Variants in KHDRBS2 observed in about 807,000 individuals in gnomAD.
KHDRBS2 encodes the protein KH domain-containing, RNA-binding, signal transduction-associated protein 2.
Under a neutral mutation model 44.3 loss-of-function variants are expected in KHDRBS2, and 26 were observed. The observed-to-expected ratio is 0.59, with a 90% CI of 0.43 to 0.81. The LOEUF is 0.81. Among genes scored for constraint, KHDRBS2 ranks in the 40% least tolerant of loss-of-function variants. KHDRBS2 has a pLI of 0.00. For missense variants in KHDRBS2, 476 were observed against 433.1 expected (o/e 1.10, Z -0.88); for synonymous variants, 194 against 151.1 (o/e 1.28, Z -2.08).
At chr6:61,850,069 G>A (rs1795209535) in intron 6 of KHDRBS2, among the ~76,000 whole-genome samples, 2 of 151,994 alleles carry the variant, frequency 1.3e-5, no homozygotes, top group South Asian at 4.1e-4. Context: ...TCAAAGATGT[G>A]GGTTAACTCT....
chr6:62,256,891 G>T (rs898121219), intron 1 of KHDRBS2, among the ~76,000 whole-genome samples: 1 of 152,022 alleles, frequency 6.6e-6, no homozygotes, highest in Non-Finnish European at 1.5e-5. Context: ...CCCATATAGG[G>T]TTAAACCAGT....
intron 2 of KHDRBS2, among the ~76,000 whole-genome samples, chr6:62,111,052 G>A (rs1236277868): frequency 1.3e-5 from 2 of 151,940 alleles, no homozygotes; most frequent in Non-Finnish European, 2.9e-5. Context: ...AGGATCTAGG[G>A]AAACTGCTTA....
intron 1 of KHDRBS2, among the ~76,000 whole-genome samples, chr6:62,208,836 C>T (rs519079): frequency 0.19 from 28,206 of 152,054 alleles, 3,049 homozygotes; most frequent in African/African-American, 0.31. Context: ...TGATTAGTGA[C>T]GTTGAGAACC....
rs146142594 is a variant in KHDRBS2, at chr6:61,965,055, G to C, written c.483+13011C>G. ...TTGCACTTGGGTGAATGTAAACGAAGTTCTGTTGCTTTTTGGAAAAGAGGA... is the reference window on the plus strand; with the variant it reads ...TTGCACTTGGGTGAATGTAAACGAACTTCTGTTGCTTTTTGGAAAAGAGGA... On this transcript the variant is annotated intron_variant, in intron 4 of 8. Transcript: ENST00000281156. Among the ~76,000 whole-genome samples the C allele has an allele frequency of 1.2e-4, 18 of 152,172 alleles. No individual in the cohort carries two copies. In the East Asian group the frequency reaches 3.1e-3, roughly 26 times the overall value.
intron 2 of KHDRBS2, among the ~76,000 whole-genome samples, chr6:62,059,198 G>GTTTTTGTTTTTTTTTTT (rs1791041134): frequency 4.0e-5 from 1 of 24,878 alleles, no homozygotes; most frequent in Non-Finnish European, 8.2e-5. Context: ...AAGTTAGGAA[G>GTTTTTGTTTTTTTTTTT]TTTTTTTTTT....
the KHDRBS2 span, among the ~76,000 whole-genome samples, chr6:61,552,010 T>C: frequency 6.6e-6 from 1 of 151,940 alleles, no homozygotes; most frequent in African/African-American, 2.4e-5. Context: ...GGATTTTGTA[T>C]CCCAAAACTT....
chr6:62,096,785 T>A (rs1429258942), intron 2 of KHDRBS2, among the ~76,000 whole-genome samples: 1 of 151,842 alleles, frequency 6.6e-6, no homozygotes, highest in Non-Finnish European at 1.5e-5. Context: ...TTTTTCTAGT[T>A]CCTTGAGCTG....
intron 1 of KHDRBS2, among the ~76,000 whole-genome samples, chr6:62,269,842 T>C (rs1839790755): frequency 6.6e-6 from 1 of 152,122 alleles, no homozygotes; most frequent in African/African-American, 2.4e-5. Context: ...ACAGTCATGA[T>C]ACTGAATAAA....
intron 6 of KHDRBS2, among the ~76,000 whole-genome samples, chr6:61,826,909 C>T (rs1035362917): frequency 2.0e-5 from 3 of 152,146 alleles, no homozygotes; most frequent in Non-Finnish European, 4.4e-5. Flanking sequence ...CCTAACACGA[C>T]ATAGCTAGCT....
At chr6:62,027,168 G>C (rs1309544239) in intron 3 of KHDRBS2, among the ~76,000 whole-genome samples, 1 of 152,050 alleles carries the variant, frequency 6.6e-6, no homozygotes, top group Non-Finnish European at 1.5e-5. Context: ...AAGGAAGTGA[G>C]GGAATAAAGC....
rs551362057 is a variant in KHDRBS2, at chr6:61,851,504, C to T, written c.810+43131G>A. On this transcript the variant is annotated intron_variant, in intron 6 of 8. Coordinates refer to ENST00000281156, the MANE Select transcript of KHDRBS2 (RefSeq NM_152688.4). ...GTAACATGAGGTCATATGGATGGGC[C>T]CTACTCCATTACGACTGGTATCATC... is the stretch of plus-strand genomic sequence containing the variant. Among the ~76,000 whole-genome samples, 7 of 152,020 alleles carry T rather than the reference C, an allele frequency of 4.6e-5. 1 individual carries two copies. The South Asian group carries it at 1.2e-3, about 27-fold the overall frequency.
At chr6:61,954,934 ATATG>A (rs1421848783) in intron 4 of KHDRBS2, among the ~76,000 whole-genome samples, 1 of 87,140 alleles carries the variant, frequency 1.1e-5, no homozygotes, top group African/African-American at 3.3e-5. Flanking sequence ...ATACACATAC[ATATG>A]TATGTGTATA....
chr6:61,813,273 G>A lies in KHDRBS2; in HGVS notation c.811-80509C>T, dbSNP rs113778905. 5.6e-4 allele frequency among the ~76,000 whole-genome samples: 85 copies of A among 152,234 alleles called. 1 individual carries two copies. The highest frequency in any genetic ancestry group is 1.9e-3 in the African/African-American group (79 of 41,558). On this transcript the variant is annotated intron_variant, in intron 6 of 8. Transcript: ENST00000281156. ...TTAATGAGGCATAGACTACTCTGAT[G>A]GAAGACCATCTTTTTTGCTGTAATG... is the stretch of plus-strand genomic sequence containing the variant.
chr6:62,184,243 T>C (rs1822970070), intron 1 of KHDRBS2, among the ~76,000 whole-genome samples: 1 of 151,620 alleles, frequency 6.6e-6, no homozygotes, highest in South Asian at 2.1e-4. Flanking sequence ...AGACTACAAT[T>C]GTCATGAAAT....
At chr6:61,831,924 A>G (rs938697915) in intron 6 of KHDRBS2, among the ~76,000 whole-genome samples, 7 of 152,190 alleles carry the variant, frequency 4.6e-5, no homozygotes, top group Non-Finnish European at 1.0e-4. Context: ...TATGAGGTGA[A>G]GATATTTGTA....
At chr6:62,162,466 T>G (rs1404988627) in intron 2 of KHDRBS2, among the ~76,000 whole-genome samples, 1 of 152,138 alleles carries the variant, frequency 6.6e-6, no homozygotes, top group Non-Finnish European at 1.5e-5. Context: ...TAAGTATACC[T>G]GTGTGTAACA....
chr6:62,002,273 AGATGATAAT>A (rs1778393664), intron 3 of KHDRBS2, among the ~76,000 whole-genome samples: 1 of 152,048 alleles, frequency 6.6e-6, no homozygotes, highest in Non-Finnish European at 1.5e-5. Flanking sequence ...GAATGAAGTA[AGATGATAAT>A]ATTGGATAAG....
At chr6:62,213,998 C>T (rs1189958788) in intron 1 of KHDRBS2, among the ~76,000 whole-genome samples, 1 of 150,340 alleles carries the variant, frequency 6.7e-6, no homozygotes, top group East Asian at 2.0e-4. Flanking sequence ...AAATATTTAG[C>T]CATTTAAGTA....
intron 1 of KHDRBS2, among the ~76,000 whole-genome samples, chr6:62,246,034 G>C (rs1387330667): frequency 6.7e-6 from 1 of 150,172 alleles, no homozygotes; most frequent in African/African-American, 2.4e-5. Flanking sequence ...AAGTAAAGGT[G>C]ACTTTCTGCT....
Sources: allele counts gnomAD v4.1 joint callset (sites outside exome capture counted in the v4.1 genomes callset), GRCh38; gene constraint gnomAD v4.1.1; transcripts MANE v1.5; gene names NCBI Gene and HGNC (gene_info 2026-07-23, HGNC 2026-07-21).